GAS2L3: variants seen among roughly 807,000 people sequenced by gnomAD.
The protein encoded by GAS2L3 is growth arrest specific 2 like 3.
GAS2L3 carries 28 observed loss-of-function variants against 37.0 expected under a neutral mutation model. The observed-to-expected ratio is 0.76, with a 90% CI of 0.56 to 1.04. The LOEUF (loss-of-function observed/expected upper bound fraction) is 1.04, where lower values mean the gene tolerates loss of function less well. GAS2L3 is among the 50% of genes least tolerant of loss of function. The pLI is 0.00. For synonymous variants in GAS2L3, 290 were observed against 296.6 expected (o/e 0.98, Z 0.23); for missense variants, 793 against 817.6 (o/e 0.97, Z 0.37).
intron 1 of GAS2L3, among the ~76,000 whole-genome samples, chr12:100,580,521 C>G (rs530833107): frequency 1.2e-3 from 186 of 152,182 alleles, no homozygotes; most frequent in African/African-American, 4.3e-3. Context: ...TGCTGAAGGG[C>G]CAAACATTTT....
At chr12:100,601,121 A>G (rs1955983077) in intron 4 of GAS2L3, among the ~76,000 whole-genome samples, 1 of 152,256 alleles carries the variant, frequency 6.6e-6, no homozygotes, top group East Asian at 1.9e-4. Flanking sequence ...AGTTTTCCTG[A>G]AAAAGAATAT....
intron 6 of GAS2L3, among the ~76,000 whole-genome samples, chr12:100,613,695 C>T (rs1358877947): frequency 6.6e-6 from 1 of 151,814 alleles, no homozygotes; most frequent in African/African-American, 2.4e-5. Context: ...CCTGGGTTCC[C>T]GCCATTCTCC....
At position 100,624,109 on chromosome 12, in the gene GAS2L3, G is replaced by T; in HGVS notation, c.1304G>T (p.Cys435Phe). ...APCISESPRKCISSPNTPKAK... is the reference protein window; with the variant it reads ...APCISESPRKFISSPNTPKAK... The stretch of plus-strand genomic sequence containing the variant: ...TGTATATCTGAGTCACCGAGAAAAT[G>T]TATTTCATCCCCCAATACCCCCAAG... The change falls in exon 10 of 10, where the codon TGT becomes TTT. Residue 435 changes from cysteine (C) to phenylalanine (F), a missense_variant. Coordinates refer to ENST00000547754, the MANE Select transcript of GAS2L3 (RefSeq NM_174942.3). 3.7e-6 allele frequency: 6 copies of T among 1,613,774 alleles called. No individual in the cohort carries two copies. Among genetic ancestry groups the T allele is most frequent in the Non-Finnish European group, 5.1e-6 (6 of 1,179,960 alleles).
chr12:100,573,971 G>C (rs36062145), intron 1 of GAS2L3, 186 bp downstream of exon 1: 1 of 152,172 alleles, frequency 6.6e-6, no homozygotes, highest in Non-Finnish European at 1.5e-5. Flanking sequence ...CGGCAGTCGC[G>C]TGCTCTGATT....
At chr12:100,598,654 C>T (rs376509910) in intron 3 of GAS2L3, among the ~76,000 whole-genome samples, 1 of 152,126 alleles carries the variant, frequency 6.6e-6, no homozygotes, top group African/African-American at 2.4e-5. Context: ...TGTGTTAACT[C>T]ATAGTTTCCT....
rs756789572 is a variant in GAS2L3, at chr12:100,594,914, G to A, written c.10G>A (p.Ala4Thr). Residue 4 changes from alanine to threonine, a missense_variant, in exon 3 of 10, where the codon GCA becomes ACA. Transcript: ENST00000547754. MQP[A>T]IQVWFGEDLP... ...TTCAATATAGGTGACTATGCAGCCTGCAATTCAAGTAAGTTTTTTTCTTGG... is the reference window on the plus strand; with the variant it reads ...TTCAATATAGGTGACTATGCAGCCTACAATTCAAGTAAGTTTTTTTCTTGG... 1 of 1,354,774 alleles carries A rather than the reference G, an allele frequency of 7.4e-7. No homozygotes were observed. The highest frequency in any genetic ancestry group is 1.5e-5 in the South Asian group (1 of 67,936). 83.9% of individuals were successfully genotyped at this position (1,354,774 alleles called of 1,614,324 possible).
chr12:100,612,906 T>C (rs1202548469), intron 6 of GAS2L3, among the ~76,000 whole-genome samples: 1 of 152,078 alleles, frequency 6.6e-6, no homozygotes, highest in Non-Finnish European at 1.5e-5. Flanking sequence ...CAAACTGACT[T>C]TTTGTTGGTT....
At chr12:100,618,965 A>G (rs1054774469) in intron 8 of GAS2L3, among the ~76,000 whole-genome samples, 1 of 152,088 alleles carries the variant, frequency 6.6e-6, no homozygotes, top group Non-Finnish European at 1.5e-5. Context: ...TTTTGTGGTA[A>G]TAATCCAGGC....
rs542695722 is a variant in GAS2L3 at position 100,587,150 on chromosome 12, A to G, written c.-151-4586A>G. ...CACAACAGAACTCTACCAGACATTC[A>G]AAGAAGAATTGGTACCAATCCTTTT... On this transcript the variant is annotated intron_variant, in intron 1 of 9. Coordinates refer to ENST00000547754, the MANE Select transcript of GAS2L3 (RefSeq NM_174942.3). 3.3e-5 allele frequency among the ~76,000 whole-genome samples: 5 copies of G among 152,342 alleles called. No individual in the cohort carries two copies. The South Asian group carries it at 1.0e-3, about 32-fold the overall frequency.
Position 100,598,792 on chromosome 12 carries a change from TA to T in GAS2L3, c.19-1589del, listed in dbSNP as rs1185144671. Among the ~76,000 whole-genome samples, 6 of 152,208 alleles carry T rather than the reference TA, an allele frequency of 3.9e-5. No individual in the cohort carries two copies. The East Asian group carries it at 1.2e-3, about 29-fold the overall frequency. Reference sequence around the variant, plus strand: ...TTTTGGCATTCTTTGAGAGTTTCTTTACTTTCAGATAAGAGATATTTGAATT... The same window carrying T: ...TTTTGGCATTCTTTGAGAGTTTCTTTCTTTCAGATAAGAGATATTTGAATT... On this transcript the variant is annotated intron_variant, in intron 3 of 9. Coordinates refer to ENST00000547754, the MANE Select transcript of GAS2L3 (RefSeq NM_174942.3).
chr12:100,616,823 T>A (rs1196269046), intron 6 of GAS2L3, among the ~76,000 whole-genome samples: 1 of 152,154 alleles, frequency 6.6e-6, no homozygotes, highest in Non-Finnish European at 1.5e-5. Context: ...TTTTCTTGCA[T>A]AAATGCCATG....
Position 100,576,258 on chromosome 12 carries a change from CT to C in GAS2L3, c.-152+2482del, listed in dbSNP as rs544754557. Among the ~76,000 whole-genome samples the C allele has an allele frequency of 1.3e-3, 191 of 151,134 alleles. 1 individual carries two copies. Among genetic ancestry groups the C allele is most frequent in the African/African-American group, 4.0e-3 (166 of 41,222 alleles). On this transcript the variant is annotated intron_variant, in intron 1 of 9. Transcript: ENST00000547754. ...CTATGTTTTTACTAAGCTACTCTTC[CT>C]TTTTTTTTCCTATCAATTTAAGTTT...
At chr12:100,575,293 T>C (rs915288785) in intron 1 of GAS2L3, among the ~76,000 whole-genome samples, 1 of 151,906 alleles carries the variant, frequency 6.6e-6, no homozygotes. Context: ...GTACCAGAGA[T>C]AGGGATAATT....
chr12:100,614,975 A>G (rs976615557), intron 6 of GAS2L3, among the ~76,000 whole-genome samples: 11 of 152,190 alleles, frequency 7.2e-5, no homozygotes, highest in Admixed American at 5.9e-4. Flanking sequence ...TGCTCTGAAC[A>G]TTTGTGTACA....
intron 6 of GAS2L3, among the ~76,000 whole-genome samples, chr12:100,612,980 C>T (rs1956144481): frequency 6.6e-6 from 1 of 152,208 alleles, no homozygotes; most frequent in Non-Finnish European, 1.5e-5. Flanking sequence ...GGGTAAGCGG[C>T]CTCCTGTTTG....
In GAS2L3 at chr12:100,601,725, T is replaced by G; in HGVS notation, c.275T>G (p.Val92Gly). 6.3e-7 allele frequency: 1 copy of G among 1,593,392 alleles called. No individual in the cohort carries two copies. The highest frequency in any genetic ancestry group is 1.3e-5 in the African/African-American group (1 of 74,496). ...CTGATTGATGTTCTTCAAAACATGGTGAAAACATGCAACTCTGAAGAATCA... is the reference window on the plus strand; with the variant it reads ...CTGATTGATGTTCTTCAAAACATGGGGAAAACATGCAACTCTGAAGAATCA... ...CQLIDVLQNM[V>G]KTCNSEESGN... The change falls in exon 5 of 10, where the codon GTG becomes GGG. Residue 92 changes from valine to glycine, a missense_variant. Transcript: ENST00000547754.
intron 3 of GAS2L3, 113 bp from the exon 4 acceptor site, chr12:100,600,269 A>G (rs1955968395): frequency 3.0e-6 from 2 of 671,826 alleles, no homozygotes; most frequent in East Asian, 2.7e-5. Flanking sequence ...GCAGCTTTTT[A>G]TATGTGTCTA....
rs776406337 is a variant in GAS2L3 at position 100,623,766 on chromosome 12, T to A, written c.961T>A (p.Ser321Thr). 2 of 1,613,974 alleles carry A rather than the reference T, an allele frequency of 1.2e-6. No individual in the cohort carries two copies. The highest frequency in any genetic ancestry group is 8.5e-7 in the Non-Finnish European group (1 of 1,179,998). Residue 321 changes from serine (S) to threonine (T), a missense_variant, in exon 10 of 10, where the codon TCA becomes ACA. Ser to Thr is a moderately conservative substitution (Grantham distance 58). Coordinates refer to ENST00000547754, the MANE Select transcript of GAS2L3 (RefSeq NM_174942.3). ...TCAGCCTCCTGAAATGAATCCTTTG[T>A]CAGCAGTTAACATGTTTCAGAAACA... is the stretch of plus-strand genomic sequence containing the variant. ...TPQPPEMNPL[S>T]AVNMFQKQNS...
Position 100,625,123 on chromosome 12 carries a change from C to T in GAS2L3, c.*233C>T, listed in dbSNP as rs1168254562. 1.0e-5 allele frequency: 4 copies of T among 381,818 alleles called. No homozygotes were observed. The highest frequency in any genetic ancestry group is 2.0e-5 in the African/African-American group (1 of 49,432). 23.7% of individuals were successfully genotyped at this position (381,818 alleles called of 1,614,324 possible). ...CTGCAAGGTTTTTATTAATAATAGA[C>T]ATGTATATGATTTTCAGTCTATAGC... is the stretch of plus-strand genomic sequence containing the variant. On this transcript the variant is annotated 3_prime_UTR_variant, in exon 10 of 10. Coordinates refer to ENST00000547754, the MANE Select transcript of GAS2L3 (RefSeq NM_174942.3).
Sources: allele counts gnomAD v4.1 joint callset (sites outside exome capture counted in the v4.1 genomes callset), GRCh38; gene constraint gnomAD v4.1.1; transcripts MANE v1.5; gene names NCBI Gene and HGNC (gene_info 2026-07-23, HGNC 2026-07-21).